ANKS3: variants seen among roughly 807,000 people sequenced by gnomAD.
ANKS3 encodes ankyrin repeat and SAM domain-containing protein 3.
A neutral mutation model predicts 80.7 loss-of-function variants in ANKS3; 62 were observed. The ratio of observed to expected loss-of-function variants is 0.77; its 90% CI spans 0.63 to 0.95. The LOEUF (loss-of-function observed/expected upper bound fraction) is 0.95, where lower values mean the gene tolerates loss of function less well. ANKS3 is among the 40% of genes least tolerant of loss of function. ANKS3 has a pLI of 0.00. For missense variants in ANKS3, 1,150 were observed against 883.6 expected, an observed-to-expected ratio of 1.30 and a Z score of -3.82; for synonymous variants, 489 against 355.3, an observed-to-expected ratio of 1.38 and a Z score of -4.23.
chr16:4,727,583 A>G (rs2142157765), intron 3 of ANKS3: 1 of 270,288 alleles, frequency 3.7e-6, no homozygotes, highest in African/African-American at 2.2e-5. Context: ...CAGCCCCCAC[A>G]GCAAAGAATG....
rs1168710349 is a variant in ANKS3 at position 4,714,204 on chromosome 16, AG to A, written c.574-19del. 5 of 1,613,020 alleles carry A rather than the reference AG, an allele frequency of 3.1e-6. No homozygotes were observed. In the South Asian group the frequency reaches 5.5e-5, roughly 18 times the overall value. On this transcript the variant is annotated intron_variant, in intron 6 of 17. Transcript: ENST00000304283. Reference sequence around the variant, plus strand: ...TTGACTCCCTGTGAATGTCCGTGAAAGGGGGTTAGGGGCCTCTCCTTCAAAG... The same window carrying A: ...TTGACTCCCTGTGAATGTCCGTGAAAGGGGTTAGGGGCCTCTCCTTCAAAG...
intron 1 of ANKS3, among the ~76,000 whole-genome samples, chr16:4,733,731 G>A (rs2081792786): frequency 6.6e-6 from 1 of 151,970 alleles, no homozygotes; most frequent in Admixed American, 6.6e-5. Context: ...TCTCATATAC[G>A]CCATAAATAT....
chr16:4,721,383 C>T (rs910050728), intron 6 of ANKS3, among the ~76,000 whole-genome samples: 4 of 150,078 alleles, frequency 2.7e-5, no homozygotes, highest in South Asian at 2.1e-4. Flanking sequence ...CCGAGGCAGG[C>T]GAACTGCCTG....
chr16:4,697,336 T>C lies in ANKS3; in HGVS notation c.1891A>G (p.Met631Val), dbSNP rs141320697. Residue 631 changes from methionine to valine, a missense_variant, in exon 16 of 18, where the codon ATG becomes GTG. Met to Val is a conservative substitution (Grantham distance 21). Transcript: ENST00000304283. ...CGTCTGGTCCCCGGAGACTCACCCA[T>C]CTCACGGACACGGTCCTCCAGGGCT... ...SGALEDRVRE[M>V]GQALCLVTQS... The C allele has an allele frequency of 6.9e-6, 11 of 1,602,922 alleles. No homozygotes were observed. The African/African-American group carries it at 1.2e-4, about 18-fold the overall frequency.
chr16:4,698,168 G>C, intron 14 of ANKS3, 106 bp from the exon 15 acceptor site: 1 of 1,344,828 alleles, frequency 7.4e-7, no homozygotes. Context: ...TGTCCTTGCA[G>C]CTGGCCCTCA....
At chr16:4,720,161 CAA>C (rs34135519) in intron 6 of ANKS3, among the ~76,000 whole-genome samples, 1,382 of 61,018 alleles carry the variant, frequency 0.023, 24 homozygotes, top group African/African-American at 0.086. Context: ...GACCCCACCC[CAA>C]AAAAAAAAAA....
intron 5 of ANKS3, among the ~76,000 whole-genome samples, chr16:4,726,384 C>A (rs181858796): frequency 1.9e-3 from 295 of 152,280 alleles, no homozygotes; most frequent in Non-Finnish European, 3.7e-3. Flanking sequence ...TATGTTAGGC[C>A]CCTGGCATAC....
At chr16:4,702,070 G>C in intron 9 of ANKS3, 32 bp downstream of exon 9, 5 of 1,546,436 alleles carry the variant, frequency 3.2e-6, no homozygotes, top group Non-Finnish European at 4.3e-6. Flanking sequence ...ACCTGCCTGA[G>C]CCACGGGCCG....
At position 4,696,926 on chromosome 16, in the gene ANKS3, G is replaced by C. The variant is rs2079581732; in HGVS notation, c.*12-30C>G. On this transcript the variant is annotated intron_variant, in intron 17 of 17. Coordinates refer to ENST00000304283, the MANE Select transcript of ANKS3 (RefSeq NM_133450.4). ...AAGAAAAAGCCCCGGTGAGAAGGGAGGGGGACAGGTGGGTGCATACCCACA... is the reference window on the plus strand; with the variant it reads ...AAGAAAAAGCCCCGGTGAGAAGGGACGGGGACAGGTGGGTGCATACCCACA... 6.0e-6 allele frequency: 7 copies of C among 1,173,434 alleles called. 1 individual carries two copies. Among genetic ancestry groups the C allele is most frequent in the South Asian group, 5.1e-5 (4 of 77,776 alleles). The allele number at this position is 1,173,434 out of a possible 1,614,324, so 72.7% of individuals were successfully genotyped here.
intron 7 of ANKS3, among the ~76,000 whole-genome samples, chr16:4,709,513 C>T (rs2080375680): frequency 6.6e-6 from 1 of 152,020 alleles, no homozygotes; most frequent in Admixed American, 6.6e-5. Flanking sequence ...ATGTCTACAC[C>T]CTCATGTTTA....
chr16:4,701,398 C>A (rs907721872), intron 10 of ANKS3, 36 bp downstream of exon 10: 3 of 1,542,222 alleles, frequency 1.9e-6, no homozygotes, highest in East Asian at 2.3e-5. Flanking sequence ...CAGCCAGGGA[C>A]CGGCTATGGG....
intron 10 of ANKS3, 110 bp downstream of exon 10, chr16:4,701,324 A>C (rs116804869): frequency 1.5e-6 from 2 of 1,301,284 alleles, no homozygotes; most frequent in African/African-American, 3.0e-5. Context: ...TGCAGCACAC[A>C]CGTGCAGCAG....
At position 4,698,867 on chromosome 16, in the gene ANKS3, G is replaced by A. The variant is rs1416595770; in HGVS notation, c.1484C>T (p.Ala495Val). 1.2e-6 allele frequency: 2 copies of A among 1,602,214 alleles called. No individual in the cohort carries two copies. Among genetic ancestry groups the A allele is most frequent in the South Asian group, 1.1e-5 (1 of 89,198 alleles). ...CCGGTCGGCGTAGGCCAGCTCCAGG[G>A]CATCCCCGGGTGGGCGGGCACTGCT... ...WHSSARPPGD[A>V]LELAYADRLE... Residue 495 changes from alanine to valine, a missense_variant, in exon 13 of 18, where the codon GCC becomes GTC. Ala to Val is a moderately conservative substitution (Grantham distance 64, BLOSUM62 0). Transcript: ENST00000304283.
rs774658340 is a variant in ANKS3 at position 4,698,560 on chromosome 16, G to C, written c.1591C>G (p.Gln531Glu). 5 of 1,582,328 alleles carry C rather than the reference G, an allele frequency of 3.2e-6. No individual in the cohort carries two copies. In the African/African-American group the frequency reaches 5.4e-5, roughly 17 times the overall value. ...EVEATRGQVC[Q>E]EQELRAVVES... ...ACCACGGCGCGCAGCTCCTGCTCCTGACACACCTGGCCCCGCGTGGCCTCT... is the reference window on the plus strand; with the variant it reads ...ACCACGGCGCGCAGCTCCTGCTCCTCACACACCTGGCCCCGCGTGGCCTCT... Residue 531 changes from glutamine (Q) to glutamate (E), a missense_variant, in exon 14 of 18, where the codon CAG (glutamine) becomes GAG (glutamate). Gln to Glu is a conservative substitution (Grantham distance 29). Coordinates refer to ENST00000304283, the MANE Select transcript of ANKS3 (RefSeq NM_133450.4).
intron 7 of ANKS3, among the ~76,000 whole-genome samples, chr16:4,708,961 C>G (rs1032835237): frequency 6.6e-6 from 1 of 150,434 alleles, no homozygotes; most frequent in Admixed American, 6.6e-5. Context: ...AGAACAAACA[C>G]AAATATTCAA....
rs184597853 is a variant in ANKS3 at position 4,712,263 on chromosome 16, C to T, written c.709+1788G>A. On this transcript the variant is annotated intron_variant, in intron 7 of 17. Coordinates refer to ENST00000304283, the MANE Select transcript of ANKS3 (RefSeq NM_133450.4). ...GTGCACGCCTGTGATCCCAGCTACT[C>T]GGGAGGCTGAGGCAGAAGAATTGCT... Among the ~76,000 whole-genome samples, 400 of 151,718 alleles carry T rather than the reference C, an allele frequency of 2.6e-3. 3 individuals carry two copies. The highest frequency in any genetic ancestry group is 9.2e-3 in the African/African-American group (378 of 41,258).
At position 4,733,562 on chromosome 16, in the gene ANKS3, G is replaced by A. The variant is rs554699841; in HGVS notation, c.-71+376C>T. Among the ~76,000 whole-genome samples, 237 of 152,158 alleles carry A rather than the reference G, an allele frequency of 1.6e-3. 2 individuals are homozygous for A. Among genetic ancestry groups the A allele is most frequent in the African/African-American group, 5.5e-3 (230 of 41,510 alleles). On this transcript the variant is annotated intron_variant, in intron 1 of 17. Coordinates refer to ENST00000304283, the MANE Select transcript of ANKS3 (RefSeq NM_133450.4). ...CCGCCTTTGCCTCCCAAAGTGCTAG[G>A]ATTACAGGCGTGAGTGAGCCACCGC...
chr16:4,703,977 G>A (rs1207336107), intron 8 of ANKS3, among the ~76,000 whole-genome samples: 1 of 152,222 alleles, frequency 6.6e-6, no homozygotes, highest in African/African-American at 2.4e-5. Flanking sequence ...CACACCTCAG[G>A]CTGTAGCAGG....
chr16:4,718,179 A>G (rs1423399192), intron 6 of ANKS3, among the ~76,000 whole-genome samples: 2 of 151,750 alleles, frequency 1.3e-5, no homozygotes, highest in Non-Finnish European at 2.9e-5. Context: ...TTTGGCCTCT[A>G]AAAGTGCTGG....
Sources: allele counts gnomAD v4.1 joint callset (sites outside exome capture counted in the v4.1 genomes callset), GRCh38; gene constraint gnomAD v4.1.1; transcripts MANE v1.5; gene names NCBI Gene and HGNC (gene_info 2026-07-23, HGNC 2026-07-21).